The following MAP3K13 variants were observed in gnomAD, a reference collection of about 807,000 sequenced individuals.
MAP3K13 encodes leucine zipper-bearing kinase.
Under a neutral mutation model 104.0 loss-of-function variants are expected in MAP3K13, and 52 were observed. That is an observed-to-expected ratio of 0.50 (90% CI 0.40 to 0.63). The LOEUF (loss-of-function observed/expected upper bound fraction) is 0.63, where lower values mean the gene tolerates loss of function less well. Among genes scored for constraint, MAP3K13 ranks in the 20% least tolerant of loss-of-function variants. MAP3K13 has a pLI of 0.00. For synonymous variants in MAP3K13, 394 were observed against 442.2 expected, an observed-to-expected ratio of 0.89 and a Z score of 1.37; for missense variants, 914 against 1,218.5, an observed-to-expected ratio of 0.75 and a Z score of 3.72.
intron 2 of MAP3K13, among the ~76,000 whole-genome samples, chr3:185,343,441 C>T (rs1722793950): frequency 6.6e-6 from 1 of 152,112 alleles, no homozygotes; most frequent in Admixed American, 6.5e-5. Flanking sequence ...GGACGACTCT[C>T]AGCAGGGTAT....
chr3:185,292,038 C>G (rs1483584699), intron 2 of MAP3K13: 2 of 985,338 alleles, frequency 2.0e-6, no homozygotes, highest in Non-Finnish European at 1.2e-6. Context: ...GGCACGGTGG[C>G]TCATGCCTGT....
chr3:185,386,957 G>A (rs1052910956), intron 1 of MAP3K13, among the ~76,000 whole-genome samples: 3 of 152,154 alleles, frequency 2.0e-5, no homozygotes, highest in African/African-American at 2.4e-5. Flanking sequence ...TGGATGCTGG[G>A]CTTAATGCCT....
At chr3:185,414,534 A>G (rs1713634878) in intron 1 of MAP3K13, among the ~76,000 whole-genome samples, 1 of 152,224 alleles carries the variant, frequency 6.6e-6, no homozygotes, top group Non-Finnish European at 1.5e-5. Flanking sequence ...ACCATTCTTA[A>G]GAAAGGCCTG....
At chr3:185,466,597 G>A (rs1489485872) in intron 9 of MAP3K13, among the ~76,000 whole-genome samples, 1 of 151,916 alleles carries the variant, frequency 6.6e-6, no homozygotes, top group East Asian at 1.9e-4. Flanking sequence ...GGCTGGTCTC[G>A]AACTCCCAAC....
At chr3:185,468,231 A>G (rs1459573891) in intron 10 of MAP3K13, among the ~76,000 whole-genome samples, 1 of 152,174 alleles carries the variant, frequency 6.6e-6, no homozygotes, top group African/African-American at 2.4e-5. Context: ...GGCCTTTGAT[A>G]ATTACCTATA....
chr3:185,350,595 A>G (rs951497339), intron 2 of MAP3K13, among the ~76,000 whole-genome samples: 16 of 152,144 alleles, frequency 1.1e-4, no homozygotes, highest in African/African-American at 3.4e-4. Flanking sequence ...ATCATACTAT[A>G]TGGTATGCTA....
chr3:185,437,980 C>T (rs979651860), intron 3 of MAP3K13, among the ~76,000 whole-genome samples: 1 of 152,144 alleles, frequency 6.6e-6, no homozygotes, highest in Non-Finnish European at 1.5e-5. Context: ...ATCACCTGAA[C>T]AGCCTAAGAT....
chr3:185,289,936 G>A (rs1469104368), intron 2 of MAP3K13, among the ~76,000 whole-genome samples: 2 of 152,146 alleles, frequency 1.3e-5, no homozygotes, highest in African/African-American at 4.8e-5. Context: ...AAACTCTAGA[G>A]TAATACAGAC....
intron 1 of MAP3K13, among the ~76,000 whole-genome samples, chr3:185,401,883 T>C (rs543554786): frequency 1.5e-4 from 23 of 152,308 alleles, no homozygotes; most frequent in African/African-American, 5.5e-4. Context: ...GGTAGATTAT[T>C]AAAGCTTATG....
chr3:185,335,470 A>G (rs1420649138), intron 2 of MAP3K13, among the ~76,000 whole-genome samples: 3 of 152,174 alleles, frequency 2.0e-5, no homozygotes, highest in Non-Finnish European at 2.9e-5. Flanking sequence ...CTAATGTCAC[A>G]TTACAGCAGA....
intron 1 of MAP3K13, among the ~76,000 whole-genome samples, chr3:185,383,894 G>A (rs967463317): frequency 5.3e-5 from 8 of 152,068 alleles, no homozygotes; most frequent in South Asian, 4.1e-4. Context: ...ATGTGTGATC[G>A]TATCAGGGTA....
At chr3:185,455,275 GAGATATATGAGAT>G (rs1716440752) in intron 7 of MAP3K13, among the ~76,000 whole-genome samples, 2 of 26,738 alleles carry the variant, frequency 7.5e-5, no homozygotes, top group African/African-American at 1.7e-4. Flanking sequence ...AGATATATAT[GAGATATATGAGAT>G]ATATATATGA....
intron 1 of MAP3K13, among the ~76,000 whole-genome samples, chr3:185,283,817 A>G (rs1459195165): frequency 1.3e-5 from 2 of 152,150 alleles, no homozygotes; most frequent in Non-Finnish European, 2.9e-5. Context: ...CGTTGTAAAT[A>G]AACTGCTGTT....
intron 1 of MAP3K13, among the ~76,000 whole-genome samples, chr3:185,398,766 C>T (rs924413930): frequency 2.6e-5 from 4 of 152,182 alleles, no homozygotes; most frequent in Non-Finnish European, 5.9e-5. Flanking sequence ...TCTTCTATTC[C>T]TTGCAGATTA....
chr3:185,301,584 G>A (rs1424006338), intron 2 of MAP3K13, among the ~76,000 whole-genome samples: 6 of 152,270 alleles, frequency 3.9e-5, no homozygotes, highest in African/African-American at 1.4e-4. Flanking sequence ...GAGTGTTATA[G>A]TTTCAGGTCT....
At chr3:185,442,177 G>A (rs762612844) in intron 3 of MAP3K13, among the ~76,000 whole-genome samples, 1 of 139,566 alleles carries the variant, frequency 7.2e-6, no homozygotes, top group Non-Finnish European at 1.5e-5. Flanking sequence ...ATGACAGAGC[G>A]AGACTCTTTC....
At chr3:185,296,802 C>T (rs974456755) in intron 2 of MAP3K13, among the ~76,000 whole-genome samples, 1 of 152,136 alleles carries the variant, frequency 6.6e-6, no homozygotes, top group Non-Finnish European at 1.5e-5. Context: ...CTTAATATTT[C>T]AAGATGATTT....
At chr3:185,308,674 A>G (rs958607896) in intron 2 of MAP3K13, among the ~76,000 whole-genome samples, 1 of 152,204 alleles carries the variant, frequency 6.6e-6, no homozygotes, top group African/African-American at 2.4e-5. Context: ...AGTGTTCCAC[A>G]TCAAGCTGGA....
At chr3:185,437,225 C>G (rs1043909196) in intron 2 of MAP3K13, among the ~76,000 whole-genome samples, 4 of 151,902 alleles carry the variant, frequency 2.6e-5, no homozygotes, top group Non-Finnish European at 4.4e-5. Context: ...ATATTGGAGG[C>G]TTCTGCTCTG....
Sources: gnomAD v4.1 joint callset for allele counts (sites outside exome capture counted in the v4.1 genomes callset) on GRCh38, gnomAD v4.1.1 for gene constraint, MANE v1.5 for transcripts, NCBI Gene and HGNC (gene_info 2026-07-23, HGNC 2026-07-21) for gene names.